SAMHD1: variants seen among roughly 807,000 people sequenced by gnomAD.
SAMHD1 encodes SAM and HD domain containing deoxynucleoside triphosphate triphosphohydrolase 1.
SAMHD1 carries 54 observed loss-of-function variants against 79.6 expected under a neutral mutation model. The ratio of observed to expected loss-of-function variants is 0.68; its 90% CI spans 0.55 to 0.85. SAMHD1 has a LOEUF of 0.85. SAMHD1 is among the 40% of genes least tolerant of loss of function. The pLI is 0.00. For synonymous variants in SAMHD1, 260 were observed against 264.1 expected, an observed-to-expected ratio of 0.98 and a Z score of 0.15; for missense variants, 663 against 782.7, an observed-to-expected ratio of 0.85 and a Z score of 1.82.
intron 15 of SAMHD1, 170 bp downstream of exon 15, chr20:36,897,652 C>G (rs570593946): frequency 1.5e-4 from 113 of 732,546 alleles, no homozygotes; most frequent in Non-Finnish European, 2.5e-4. Context: ...AAATCACTGG[C>G]TGACACAGAT....
intron 6 of SAMHD1, among the ~76,000 whole-genome samples, chr20:36,924,126 C>T (rs1247630842): frequency 6.6e-6 from 1 of 151,902 alleles, no homozygotes. Context: ...GTAGTGTGTG[C>T]CTGTAGTCCC....
chr20:36,899,257 T>TAAAAAAAAA (rs34443478), intron 13 of SAMHD1, among the ~76,000 whole-genome samples: 1 of 108,612 alleles, frequency 9.2e-6, no homozygotes, highest in African/African-American at 3.3e-5. Context: ...CCAAAAATAC[T>TAAAAAAAAA]AAAAAAAAAA....
intron 1 of SAMHD1, among the ~76,000 whole-genome samples, chr20:36,947,476 GGTGTGT>G (rs1183056232): frequency 9.0e-6 from 1 of 110,514 alleles, no homozygotes; most frequent in Non-Finnish European, 1.8e-5. Context: ...ATTTGGAAGA[GGTGTGT>G]GTGTGTGTGA....
At chr20:36,894,417 G>C (rs750506460) in intron 15 of SAMHD1, among the ~76,000 whole-genome samples, 3 of 151,224 alleles carry the variant, frequency 2.0e-5, no homozygotes, top group Non-Finnish European at 4.4e-5. Flanking sequence ...ATTTTTAGTA[G>C]AGATGGGGTT....
chr20:36,942,116 G>A (rs1265187799), intron 2 of SAMHD1, among the ~76,000 whole-genome samples: 1 of 152,032 alleles, frequency 6.6e-6, no homozygotes, highest in Non-Finnish European at 1.5e-5. Flanking sequence ...GGTATTCATC[G>A]CTTAAAACCC....
chr20:36,892,572 C>T lies in SAMHD1; in HGVS notation c.*360G>A. On this transcript the variant is annotated 3_prime_UTR_variant, in exon 16 of 16. Transcript: ENST00000646673. The stretch of plus-strand genomic sequence containing the variant: ...TTGGGGGGCTGAGGCAGGAGGGTCG[C>T]TTGAGCCCAGGAAAGTTCGAGTCCA... The T allele has an allele frequency of 1.0e-5, 3 of 300,708 alleles. No individual in the cohort carries two copies. Among genetic ancestry groups the T allele is most frequent in the Non-Finnish European group, 1.9e-5 (3 of 156,652 alleles). 18.6% of individuals were successfully genotyped at this position (300,708 alleles called of 1,614,324 possible).
rs544825624 is a variant in SAMHD1 at position 36,928,818 on chromosome 20, A to C, written c.626-1566T>G. On this transcript the variant is annotated intron_variant, in intron 5 of 15. Transcript: ENST00000646673. ...ATGCCTGTAATCTCAGCACTTTGGG[A>C]GGCTGAGGCGGGTGGATCACCTGAG... is the stretch of plus-strand genomic sequence containing the variant. Among the ~76,000 whole-genome samples, 3 of 152,164 alleles carry C rather than the reference A, an allele frequency of 2.0e-5. No homozygotes were observed. The South Asian group carries it at 6.2e-4, about 32-fold the overall frequency.
chr20:36,901,231 C>A (rs1990300577), intron 13 of SAMHD1, among the ~76,000 whole-genome samples: 1 of 152,012 alleles, frequency 6.6e-6, no homozygotes, highest in Non-Finnish European at 1.5e-5. Flanking sequence ...GTGGTGCGAT[C>A]TCAGCTCACT....
In SAMHD1 at chr20:36,897,860, C is replaced by G; in HGVS notation, c.1708G>C (p.Val570Leu). The G allele has an allele frequency of 6.2e-7, 1 of 1,614,218 alleles. No individual in the cohort carries two copies. Among genetic ancestry groups the G allele is most frequent in the Non-Finnish European group, 8.5e-7 (1 of 1,180,034 alleles). The stretch of plus-strand genomic sequence containing the variant: ...AAATTTCTGTCTGCACACCACTGAA[C>G]AAAATATTGTCTTGCGGCATACAAA... ...KSLYAARQYF[V>L]QWCADRNFTK... The change falls in exon 15 of 16, where the codon GTT becomes CTT. Residue 570 changes from valine to leucine, a missense_variant. Val to Leu is a conservative substitution (Grantham distance 32). Coordinates refer to ENST00000646673, the MANE Select transcript of SAMHD1 (RefSeq NM_015474.4).
Position 36,892,529 on chromosome 20 carries a change from G to C in SAMHD1, c.*403C>G. 4.3e-6 allele frequency: 1 copy of C among 235,224 alleles called. No individual in the cohort carries two copies. The highest frequency in any genetic ancestry group is 8.5e-6 in the Non-Finnish European group (1 of 118,270). The allele number at this position is 235,224 out of a possible 1,614,324, so 14.6% of individuals were successfully genotyped here. A position where few individuals can be genotyped will look rare whatever the true frequency, so the allele number is the denominator to read the frequency against. On this transcript the variant is annotated 3_prime_UTR_variant, in exon 16 of 16. Transcript: ENST00000646673. The stretch of plus-strand genomic sequence containing the variant: ...GAGTAAGCTGGGTGTGGTGGCACAT[G>C]ACTTTAGTCCCAGCTACTTGGGGGG...
chr20:36,901,591 C>T (rs1990307689), intron 13 of SAMHD1, among the ~76,000 whole-genome samples: 1 of 151,836 alleles, frequency 6.6e-6, no homozygotes, highest in Non-Finnish European at 1.5e-5. Flanking sequence ...TAAAAATTAG[C>T]TGGGCATGGT....
intron 11 of SAMHD1, 144 bp from the exon 12 acceptor site, chr20:36,905,647 TAA>T: frequency 2.6e-6 from 2 of 769,574 alleles, no homozygotes; most frequent in South Asian, 3.4e-5. Flanking sequence ...GAAAAATTTT[TAA>T]AAGATTTAAG....
intron 6 of SAMHD1, among the ~76,000 whole-genome samples, chr20:36,922,958 T>C (rs2063514916): frequency 6.6e-6 from 1 of 152,084 alleles, no homozygotes; most frequent in Non-Finnish European, 1.5e-5. Context: ...CAAAACTTAC[T>C]TTCTAATGAT....
chr20:36,926,110 T>C (rs1269749138), intron 6 of SAMHD1, among the ~76,000 whole-genome samples: 4 of 151,274 alleles, frequency 2.6e-5, no homozygotes, highest in Admixed American at 6.6e-5. Flanking sequence ...AATGTATTTC[T>C]ACCAAAATCT....
In SAMHD1 at chr20:36,900,800, C is replaced by G. The variant is rs1444144105; in HGVS notation, c.1504-2256G>C. ...TGTTGGCCAGGATGGTCTCGATCTCCTGACCTTGTGATCTGCCCGCCTTGG... is the reference window on the plus strand; with the variant it reads ...TGTTGGCCAGGATGGTCTCGATCTCGTGACCTTGTGATCTGCCCGCCTTGG... On this transcript the variant is annotated intron_variant, in intron 13 of 15. Coordinates refer to ENST00000646673, the MANE Select transcript of SAMHD1 (RefSeq NM_015474.4). Among the ~76,000 whole-genome samples the G allele has an allele frequency of 2.7e-5, 4 of 147,786 alleles. No homozygotes were observed. The East Asian group carries it at 8.3e-4, about 31-fold the overall frequency.
At chr20:36,938,956 G>C (rs1263564897) in intron 3 of SAMHD1, among the ~76,000 whole-genome samples, 1 of 150,998 alleles carries the variant, frequency 6.6e-6, no homozygotes, top group South Asian at 2.1e-4. Flanking sequence ...CCTAGAACGG[G>C]CTGGTGGCTC....
rs1319888919 is a variant in SAMHD1, at chr20:36,890,267, C to T, written c.*2665G>A. On this transcript the variant is annotated 3_prime_UTR_variant, in exon 16 of 16. Coordinates refer to ENST00000646673, the MANE Select transcript of SAMHD1 (RefSeq NM_015474.4). Reference sequence around the variant, plus strand: ...CTTTATTGCAGCTGTTTCCCTTACCCAGTTGAAGTGGCCAGTCATTTTAAT... The same window carrying T: ...CTTTATTGCAGCTGTTTCCCTTACCTAGTTGAAGTGGCCAGTCATTTTAAT... 6.6e-6 allele frequency: 1 copy of T among 152,172 alleles called. No individual in the cohort carries two copies. The highest frequency in any genetic ancestry group is 1.5e-5 in the Non-Finnish European group (1 of 68,046). 9.4% of individuals were successfully genotyped at this position (152,172 alleles called of 1,614,324 possible).
intron 1 of SAMHD1, among the ~76,000 whole-genome samples, chr20:36,948,595 G>A (rs1183572605): frequency 4.0e-5 from 6 of 151,826 alleles, no homozygotes; most frequent in African/African-American, 1.5e-4. Flanking sequence ...CTGGTCGGGC[G>A]TGGTGGCTCA....
chr20:36,933,591 G>T (rs538217026), intron 4 of SAMHD1, among the ~76,000 whole-genome samples: 1 of 151,978 alleles, frequency 6.6e-6, no homozygotes, highest in Non-Finnish European at 1.5e-5. Flanking sequence ...TTGGCCTCCC[G>T]GGTTCAAGCT....
Sources: allele counts gnomAD v4.1 joint callset (sites outside exome capture counted in the v4.1 genomes callset), GRCh38; gene constraint gnomAD v4.1.1; transcripts MANE v1.5; gene names NCBI Gene and HGNC (gene_info 2026-07-23, HGNC 2026-07-21).